Variants in CUBN observed in about 807,000 individuals in gnomAD.
CUBN encodes the protein 460 kDa receptor.
Under a neutral mutation model 405.3 loss-of-function variants are expected in CUBN, and 282 were observed. The observed-to-expected ratio is 0.70, with a 90% CI of 0.63 to 0.77. The LOEUF (loss-of-function observed/expected upper bound fraction) is 0.77. CUBN is among the 30% of genes least tolerant of loss of function. CUBN has a pLI of 0.00. For missense variants in CUBN, 4,514 were observed against 4,475.2 expected (o/e 1.01, Z -0.25); for synonymous variants, 1,684 against 1,617.0 (o/e 1.04, Z -0.99).
rs546487217 is a variant in CUBN at position 16,882,332 on chromosome 10, A to G, written c.8906-5235T>C. Among the ~76,000 whole-genome samples, 40 of 152,354 alleles carry G rather than the reference A, an allele frequency of 2.6e-4. 1 individual carries two copies. In the South Asian group the frequency reaches 7.0e-3, roughly 27 times the overall value. ...TACTACTGAAATCTCTGAGCTGCAA[A>G]ACGATTCCCTATCATTTGTTTTTAT... On this transcript the variant is annotated intron_variant, in intron 56 of 66. Coordinates refer to ENST00000377833, the MANE Select transcript of CUBN (RefSeq NM_001081.4).
chr10:16,986,208 A>G (rs892576540), intron 29 of CUBN, among the ~76,000 whole-genome samples: 1 of 152,246 alleles, frequency 6.6e-6, no homozygotes, highest in African/African-American at 2.4e-5. Context: ...ACAGGCACTC[A>G]GGACCAGAGC....
rs9423956 is a variant in CUBN at position 16,839,619 on chromosome 10, A to G, written c.10032+711T>C. On this transcript the variant is annotated intron_variant, in intron 62 of 66. Transcript: ENST00000377833. ...AGGAACGCTTTGACACTGTTGGTGG[A>G]ACTGTAAACTAGTTCAACCATTGTG... Among the ~76,000 whole-genome samples the G allele has an allele frequency of 3.2e-4, 27 of 83,688 alleles. 7 individuals are homozygous for G. The South Asian group carries it at 3.9e-3, about 12-fold the overall frequency. The allele number at this position is 83,688 out of a possible 152,430, so 54.9% of individuals were successfully genotyped here.
Position 17,068,149 on chromosome 10 carries a change from C to A in CUBN, c.2923G>T (p.Glu975Ter). ...TAATGAAACTCCAGATGAAATGTTT[C>A]GAACATTAAATGAATCAGGTGATTA... is the stretch of plus-strand genomic sequence containing the variant. ...QPNHLIHLMF[E>*]TFHLEFHYNC... The change falls in exon 21 of 67, where the codon GAA (glutamate) becomes TAA (stop). Residue 975 changes from glutamate (E) to a stop codon, truncating the protein, a stop_gained. Transcript: ENST00000377833. LOFTEE classifies it high-confidence loss of function. 6.2e-7 allele frequency: 1 copy of A among 1,613,518 alleles called. No individual in the cohort carries two copies. Among genetic ancestry groups the A allele is most frequent in the Non-Finnish European group, 8.5e-7 (1 of 1,179,572 alleles).
At chr10:16,974,618 G>A (rs1012024703) in intron 31 of CUBN, among the ~76,000 whole-genome samples, 2 of 151,958 alleles carry the variant, frequency 1.3e-5, no homozygotes, top group African/African-American at 2.4e-5. Flanking sequence ...TGATCCCCCC[G>A]CCTCGGCCTC....
intron 51 of CUBN, 123 bp downstream of exon 51, chr10:16,903,843 T>C (rs1841476901): frequency 5.3e-6 from 3 of 569,196 alleles, no homozygotes; most frequent in Non-Finnish European, 8.5e-6. Context: ...ATCTCATTGA[T>C]AATATTAACA....
chr10:17,048,295 CAT>C (rs1464653842), intron 22 of CUBN, among the ~76,000 whole-genome samples: 2 of 152,228 alleles, frequency 1.3e-5, no homozygotes, highest in Non-Finnish European at 2.9e-5. Flanking sequence ...ATTTATAAAA[CAT>C]TTAGCATAGT....
intron 53 of CUBN, among the ~76,000 whole-genome samples, chr10:16,899,557 A>C (rs1316091012): frequency 6.6e-6 from 1 of 152,218 alleles, no homozygotes; most frequent in Non-Finnish European, 1.5e-5. Flanking sequence ...TTCACACATG[A>C]GAATATTACT....
Position 17,084,300 on chromosome 10 carries a change from G to T in CUBN, c.2272C>A (p.Gln758Lys). 1 of 1,614,120 alleles carries T rather than the reference G, an allele frequency of 6.2e-7. No individual in the cohort carries two copies. The highest frequency in any genetic ancestry group is 8.5e-7 in the Non-Finnish European group (1 of 1,180,026). The change falls in exon 17 of 67, where the codon CAG becomes AAG. Residue 758 changes from glutamine to lysine, a missense_variant. Around this residue, in one of 5 missense-constraint regions of CUBN, gnomAD observed 1,448 missense variants for 1,388.0 expected, o/e 1.04. Transcript: ENST00000377833. ...ATGTAATTCTGAGAACTGTCACTCT[G>T]GCATTGCAGCTCCACGTGGGTGAAG... ...INFTHVELQCQSDSSQNYIEV... is the reference protein window; with the variant it reads ...INFTHVELQCKSDSSQNYIEV...
At chr10:16,825,393 A>G (rs1564371356) in intron 66 of CUBN, among the ~76,000 whole-genome samples, 1 of 152,258 alleles carries the variant, frequency 6.6e-6, no homozygotes, top group East Asian at 1.9e-4. Context: ...GAACCTACGA[A>G]AAACCACTGA....
At chr10:16,940,495 A>T (rs913660751) in intron 36 of CUBN, among the ~76,000 whole-genome samples, 2 of 152,234 alleles carry the variant, frequency 1.3e-5, no homozygotes, top group African/African-American at 4.8e-5. Context: ...GAATACAGAA[A>T]AAAAATATAT....
chr10:16,861,099 G>A (rs1839998833), intron 59 of CUBN, among the ~76,000 whole-genome samples: 2 of 151,898 alleles, frequency 1.3e-5, no homozygotes, highest in South Asian at 4.1e-4. Context: ...ATTGAAATGG[G>A]ATGCACCTGT....
rs140816574 is a variant in CUBN at position 16,890,442 on chromosome 10, C to T, written c.8684G>A (p.Ser2895Asn). ...CTGGAAGACGGCAGTGAATGTGTTA[C>T]TTGGTGTGATAACGGGACCCGGAGC... The part of the protein sequence containing the change: ...NVAPGPVITP[S>N]NTFTAVFQSQ... Residue 2895 changes from serine (S) to asparagine (N), a missense_variant, in exon 55 of 67, where the codon AGT (serine) becomes AAT (asparagine). Ser to Asn is a conservative substitution (Grantham distance 46). This residue lies in a region of CUBN where 1,186 missense variants were observed against 1,186.9 expected (regional missense o/e 1.00). Coordinates refer to ENST00000377833, the MANE Select transcript of CUBN (RefSeq NM_001081.4). The T allele has an allele frequency of 1.2e-6, 2 of 1,614,144 alleles. No homozygotes were observed. The highest frequency in any genetic ancestry group is 1.3e-5 in the African/African-American group (1 of 75,046).
intron 54 of CUBN, among the ~76,000 whole-genome samples, chr10:16,891,916 T>A (rs982103529): frequency 2.0e-5 from 3 of 152,136 alleles, no homozygotes; most frequent in African/African-American, 4.8e-5. Context: ...GCCCTTTCTA[T>A]CAACAGACAA....
intron 28 of CUBN, among the ~76,000 whole-genome samples, chr10:17,002,111 T>C (rs1372659467): frequency 1.3e-5 from 2 of 152,172 alleles, no homozygotes; most frequent in Non-Finnish European, 2.9e-5. Context: ...AACATTTAAG[T>C]CAATGGTCGA....
At chr10:16,952,424 G>T in intron 32 of CUBN, 35 bp from the exon 33 acceptor site, 1 of 1,191,474 alleles carries the variant, frequency 8.4e-7, no homozygotes, top group Non-Finnish European at 1.3e-6. Flanking sequence ...CATGTCATAT[G>T]CTTTTCATTT....
chr10:16,943,262 C>T (rs899920299), intron 36 of CUBN, among the ~76,000 whole-genome samples: 2 of 152,132 alleles, frequency 1.3e-5, no homozygotes, highest in African/African-American at 4.8e-5. Context: ...TCTCAGAATC[C>T]CACCAAGGTG....
intron 48 of CUBN, among the ~76,000 whole-genome samples, chr10:16,911,547 T>A (rs1841734872): frequency 6.6e-6 from 1 of 152,168 alleles, no homozygotes; most frequent in South Asian, 2.1e-4. Flanking sequence ...AGTTGATAAT[T>A]AAGGGATAGG....
At chr10:16,866,616 A>G (rs546376610) in intron 59 of CUBN, among the ~76,000 whole-genome samples, 1 of 152,332 alleles carries the variant, frequency 6.6e-6, no homozygotes, top group African/African-American at 2.4e-5. Flanking sequence ...TCGGTTAGGA[A>G]AAATGCTCCG....
At chr10:17,046,438 A>G (rs1835134127) in intron 23 of CUBN, among the ~76,000 whole-genome samples, 1 of 152,188 alleles carries the variant, frequency 6.6e-6, no homozygotes, top group African/African-American at 2.4e-5. Flanking sequence ...TATTAACTAT[A>G]TAAACATACT....
Sources: gnomAD v4.1 joint callset for allele counts (sites outside exome capture counted in the v4.1 genomes callset) on GRCh38, gnomAD v4.1.1 for gene constraint, gnomAD v4.1.1 regional missense constraint, MANE v1.5 for transcripts, NCBI Gene and HGNC (gene_info 2026-07-23, HGNC 2026-07-21) for gene names.